Variants in NKAIN3 observed in about 807,000 individuals in gnomAD.
NKAIN3 encodes sodium/potassium-transporting ATPase subunit beta-1-interacting protein 3.
A neutral mutation model predicts 30.2 loss-of-function variants in NKAIN3; 25 were observed. The observed-to-expected ratio is 0.83, with a 90% CI of 0.60 to 1.16. The LOEUF is 1.16. Ranked by LOEUF, NKAIN3 falls within the 50% of genes most tolerant of loss-of-function variation. NKAIN3 has a pLI of 0.00. For synonymous variants in NKAIN3, 91 were observed against 89.6 expected (o/e 1.02, Z -0.09); for missense variants, 225 against 254.1 (o/e 0.89, Z 0.78).
At chr8:62,517,970 T>C (rs886186376) in intron 1 of NKAIN3, among the ~76,000 whole-genome samples, 2 of 152,078 alleles carry the variant, frequency 1.3e-5, no homozygotes, top group African/African-American at 4.8e-5. Flanking sequence ...GGCCTGGGAA[T>C]CATATAGAAT....
At chr8:62,815,897 ATATC>A (rs1340849708) in intron 4 of NKAIN3, among the ~76,000 whole-genome samples, 1 of 152,170 alleles carries the variant, frequency 6.6e-6, no homozygotes, top group East Asian at 1.9e-4. Flanking sequence ...ATTCTGTTTT[ATATC>A]TATCTCTTTG....
At chr8:62,387,126 A>G (rs1194861199) in intron 1 of NKAIN3, among the ~76,000 whole-genome samples, 1 of 152,150 alleles carries the variant, frequency 6.6e-6, no homozygotes, top group Non-Finnish European at 1.5e-5. Flanking sequence ...AATGAGTGTC[A>G]TACAACAGGA....
intron 1 of NKAIN3, among the ~76,000 whole-genome samples, chr8:62,375,890 G>A (rs1817064131): frequency 6.6e-6 from 1 of 152,132 alleles, no homozygotes; most frequent in Non-Finnish European, 1.5e-5. Context: ...GTTTGCAGCA[G>A]TTTCAACATG....
intron 3 of NKAIN3, among the ~76,000 whole-genome samples, chr8:62,653,839 G>T (rs1812693458): frequency 1.3e-5 from 2 of 152,104 alleles, no homozygotes; most frequent in South Asian, 4.1e-4. Context: ...ACAAAAACAA[G>T]AAACCTTGTG....
chr8:62,807,764 G>A lies in NKAIN3; in HGVS notation c.471+60635G>A, dbSNP rs1818347143. 4.1e-5 allele frequency among the ~76,000 whole-genome samples: 6 copies of A among 148,118 alleles called. No individual in the cohort carries two copies. The South Asian group carries it at 1.3e-3, about 31-fold the overall frequency. ...GATGGGGTTTCACCATGGTGGCCAGGAAGATATATATATATAAAATACATA... is the reference window on the plus strand; with the variant it reads ...GATGGGGTTTCACCATGGTGGCCAGAAAGATATATATATATAAAATACATA... On this transcript the variant is annotated intron_variant, in intron 4 of 6. Coordinates refer to ENST00000623646, the MANE Select transcript of NKAIN3 (RefSeq NM_001304533.3).
intron 2 of NKAIN3, among the ~76,000 whole-genome samples, chr8:62,580,902 G>GTT (rs141562936): frequency 8.1e-6 from 1 of 124,116 alleles, no homozygotes. Flanking sequence ...AGCAGCTAGG[G>GTT]TTTTTATATA....
intron 4 of NKAIN3, among the ~76,000 whole-genome samples, chr8:62,814,901 TAG>T (rs1224428813): frequency 1.3e-5 from 2 of 151,650 alleles, no homozygotes; most frequent in Non-Finnish European, 2.9e-5. Context: ...CAGAAGGAAA[TAG>T]AGACACAAAA....
At chr8:62,492,403 G>A (rs1381061368) in intron 1 of NKAIN3, among the ~76,000 whole-genome samples, 1 of 152,080 alleles carries the variant, frequency 6.6e-6, no homozygotes, top group African/African-American at 2.4e-5. Flanking sequence ...CATTTCTGGG[G>A]TGCAGTGAGT....
At chr8:62,618,036 A>T (rs1326590968) in intron 3 of NKAIN3, among the ~76,000 whole-genome samples, 2 of 152,168 alleles carry the variant, frequency 1.3e-5, no homozygotes, top group Non-Finnish European at 2.9e-5. Context: ...AATTATTCGA[A>T]AGATTATATT....
intron 1 of NKAIN3, among the ~76,000 whole-genome samples, chr8:62,434,013 C>A (rs1378613702): frequency 5.3e-5 from 8 of 152,100 alleles, no homozygotes; most frequent in Non-Finnish European, 1.0e-4. Context: ...CAGATATGAG[C>A]ATGGCAGATA....
intron 4 of NKAIN3, among the ~76,000 whole-genome samples, chr8:62,764,000 A>G (rs535898780): frequency 6.6e-6 from 1 of 152,280 alleles, no homozygotes; most frequent in South Asian, 2.1e-4. Flanking sequence ...TGGGGAGGTT[A>G]TATCAGGCTG....
At chr8:62,388,331 T>C (rs1309316969) in intron 1 of NKAIN3, among the ~76,000 whole-genome samples, 1 of 152,254 alleles carries the variant, frequency 6.6e-6, no homozygotes, top group Non-Finnish European at 1.5e-5. Context: ...TTGCCTTGTC[T>C]TTGTTCATCT....
chr8:62,302,401 CT>C (rs1814080104), intron 1 of NKAIN3, among the ~76,000 whole-genome samples: 1 of 152,086 alleles, frequency 6.6e-6, no homozygotes, highest in East Asian at 1.9e-4. Flanking sequence ...TCGTTTCTAG[CT>C]CCTATAGAGA....
intron 6 of NKAIN3, among the ~76,000 whole-genome samples, chr8:62,964,000 G>C (rs773294943): frequency 2.0e-5 from 3 of 152,182 alleles, no homozygotes; most frequent in Non-Finnish European, 4.4e-5. Flanking sequence ...AAAAGAAGTT[G>C]CTAGATGTGG....
chr8:62,691,295 T>C (rs1435547468), intron 3 of NKAIN3, among the ~76,000 whole-genome samples: 1 of 152,120 alleles, frequency 6.6e-6, no homozygotes, highest in African/African-American at 2.4e-5. Flanking sequence ...GCCTGTGCTC[T>C]AGAAGGTAAC....
intron 1 of NKAIN3, among the ~76,000 whole-genome samples, chr8:62,538,755 T>C (rs1290968941): frequency 6.6e-6 from 1 of 152,220 alleles, no homozygotes; most frequent in Non-Finnish European, 1.5e-5. Flanking sequence ...TATGTTCCTA[T>C]ACATTACATA....
intron 1 of NKAIN3, among the ~76,000 whole-genome samples, chr8:62,378,675 C>T (rs921950044): frequency 1.3e-5 from 2 of 152,186 alleles, no homozygotes; most frequent in African/African-American, 4.8e-5. Context: ...AGCGTTGGTC[C>T]TGTGGGTACA....
chr8:62,911,518 C>T (rs1821925613), intron 4 of NKAIN3, among the ~76,000 whole-genome samples: 1 of 152,128 alleles, frequency 6.6e-6, no homozygotes, highest in Admixed American at 6.5e-5. Context: ...CAGCCTGATT[C>T]CTCCATTCTG....
At chr8:62,704,835 C>T (rs991122176) in intron 3 of NKAIN3, among the ~76,000 whole-genome samples, 2 of 152,110 alleles carry the variant, frequency 1.3e-5, no homozygotes, top group South Asian at 2.1e-4. Context: ...ATAGTGTTGG[C>T]GCTAGAGCAT....
Sources: allele counts gnomAD v4.1 joint callset (sites outside exome capture counted in the v4.1 genomes callset), GRCh38; gene constraint gnomAD v4.1.1; transcripts MANE v1.5; gene names NCBI Gene and HGNC (gene_info 2026-07-23, HGNC 2026-07-21).